Variants in PCDH15 observed in about 807,000 individuals in gnomAD.
PCDH15 encodes protocadherin-15.
Under a neutral mutation model 178.5 loss-of-function variants are expected in PCDH15, and 129 were observed. That is an observed-to-expected ratio of 0.72 (90% CI 0.63 to 0.84). The LOEUF is 0.84. PCDH15 is among the 40% of genes least tolerant of loss of function. PCDH15 has a pLI of 0.00. For synonymous variants in PCDH15, 800 were observed against 732.0 expected, an observed-to-expected ratio of 1.09 and a Z score of -1.50; for missense variants, 2,230 against 2,099.9, an observed-to-expected ratio of 1.06 and a Z score of -1.21.
At chr10:54,170,073 C>G (rs1243908672) in intron 13 of PCDH15, among the ~76,000 whole-genome samples, 1 of 139,116 alleles carries the variant, frequency 7.2e-6, no homozygotes, top group East Asian at 2.0e-4. Flanking sequence ...TTGGACTGAC[C>G]CTGACACCCA....
At chr10:55,450,182 G>A (rs1839402876) in intron 2 of PCDH15, among the ~76,000 whole-genome samples, 1 of 152,272 alleles carries the variant, frequency 6.6e-6, no homozygotes, top group Non-Finnish European at 1.5e-5. Flanking sequence ...TGCCAGAAGA[G>A]GAATGAAACC....
chr10:53,875,224 C>T (rs1465880397), intron 26 of PCDH15, among the ~76,000 whole-genome samples: 8 of 152,158 alleles, frequency 5.3e-5, no homozygotes, highest in South Asian at 4.1e-4. Flanking sequence ...AAGTAACTCA[C>T]ACCTAGAACC....
chr10:54,895,678 A>G lies in PCDH15; in HGVS notation c.-29+1772T>C, dbSNP rs188068422. Reference sequence around the variant, plus strand: ...AACATTGTTTTGTTTAATTTGGGATATTTTTATTGCAATTTGTCTTTCTGT... The same window carrying G: ...AACATTGTTTTGTTTAATTTGGGATGTTTTTATTGCAATTTGTCTTTCTGT... On this transcript the variant is annotated intron_variant, in intron 3 of 5. Transcript: ENST00000458638. Among the ~76,000 whole-genome samples, 262 of 152,222 alleles carry G rather than the reference A, an allele frequency of 1.7e-3. 1 individual carries two copies. The highest frequency in any genetic ancestry group is 3.3e-3 in the Non-Finnish European group (226 of 68,008).
In PCDH15 at chr10:54,548,100, C is replaced by CAA. The variant is rs374163458; in HGVS notation, c.92-20225_92-20224dup. 2.4e-3 allele frequency among the ~76,000 whole-genome samples: 197 copies of CAA among 83,434 alleles called. 1 individual carries two copies. Among genetic ancestry groups the CAA allele is most frequent in the African/African-American group, 7.4e-3 (158 of 21,312 alleles). The allele number at this position is 83,434 out of a possible 152,430, so 54.7% of individuals were successfully genotyped here. A position where few individuals can be genotyped will look rare whatever the true frequency, so the allele number is the denominator to read the frequency against. The stretch of plus-strand genomic sequence containing the variant: ...TGGGCGACAGAGCGAGACTCTGTCT[C>CAA]AAAAAAAAAAAACCAAAAAAACCAA... On this transcript the variant is annotated intron_variant, in intron 2 of 37. Coordinates refer to ENST00000644397, the MANE Select transcript of PCDH15 (RefSeq NM_001384140.1).
chr10:54,962,330 G>A (rs550114327), intron 2 of PCDH15, among the ~76,000 whole-genome samples: 1 of 152,314 alleles, frequency 6.6e-6, no homozygotes, highest in East Asian at 1.9e-4. Context: ...TGGTGGGACT[G>A]GACCAGCCCA....
chr10:55,542,630 C>T (rs1488054840), intron 2 of PCDH15, among the ~76,000 whole-genome samples: 2 of 140,414 alleles, frequency 1.4e-5, no homozygotes, highest in East Asian at 4.4e-4. Context: ...TATATAGGTA[C>T]ATACAGACAT....
chr10:54,028,677 C>A, intron 18 of PCDH15, among the ~76,000 whole-genome samples: 1 of 148,664 alleles, frequency 6.7e-6, no homozygotes, highest in Admixed American at 6.7e-5. Context: ...TCTCAGTAAA[C>A]TATCGCAAGA....
At chr10:55,520,299 GTATATATATATATATACATGCAATGTGTA>G (rs34438059) in intron 2 of PCDH15, among the ~76,000 whole-genome samples, 22,204 of 71,338 alleles carry the variant, frequency 0.31, 5,467 homozygotes, top group East Asian at 0.54. Flanking sequence ...CACGCAATAT[GTATATATATATATATACATGCAATGTGTA>G]TATATATATA....
At chr10:55,238,333 G>T (rs1039871610) in intron 1 of PCDH15, among the ~76,000 whole-genome samples, 1 of 151,772 alleles carries the variant, frequency 6.6e-6, no homozygotes, top group Admixed American at 6.6e-5. Context: ...TGTATTTTTA[G>T]TAGAGACGGG....
chr10:53,821,667 G>C, intron 32 of PCDH15: 1 of 1,356,482 alleles, frequency 7.4e-7, no homozygotes, highest in African/African-American at 1.5e-5. Context: ...AAAAAGTAAG[G>C]TAAATCTATT....
At chr10:54,358,231 C>T (rs952381711) in intron 5 of PCDH15, among the ~76,000 whole-genome samples, 15 of 150,918 alleles carry the variant, frequency 9.9e-5, no homozygotes, top group Non-Finnish European at 1.5e-5. Flanking sequence ...AACAGGCAAC[C>T]TACAAAATGG....
intron 2 of PCDH15, among the ~76,000 whole-genome samples, chr10:55,592,574 T>A (rs141853630): frequency 7.6e-4 from 115 of 152,270 alleles, no homozygotes; most frequent in African/African-American, 2.6e-3. Flanking sequence ...CTTGTGTGGC[T>A]TCCCTGTGGG....
chr10:55,100,013 A>G (rs1219091241), intron 2 of PCDH15, among the ~76,000 whole-genome samples: 1 of 152,166 alleles, frequency 6.6e-6, no homozygotes, highest in East Asian at 1.9e-4. Context: ...GTCTTACAAG[A>G]GGTAAAGAAC....
chr10:54,366,313 T>A (rs560421809), intron 5 of PCDH15, among the ~76,000 whole-genome samples: 17 of 152,172 alleles, frequency 1.1e-4, no homozygotes, highest in Middle Eastern at 3.4e-3. Flanking sequence ...CTGTGAACGA[T>A]TTTTTTGGAA....
At chr10:54,444,317 T>A (rs1293317416) in intron 3 of PCDH15, among the ~76,000 whole-genome samples, 2 of 151,680 alleles carry the variant, frequency 1.3e-5, no homozygotes, top group Non-Finnish European at 3.0e-5. Flanking sequence ...ATCATTCACA[T>A]AGACTATAGT....
chr10:54,846,026 T>C (rs1360189113), intron 3 of PCDH15, among the ~76,000 whole-genome samples: 1 of 152,134 alleles, frequency 6.6e-6, no homozygotes, highest in Non-Finnish European at 1.5e-5. Flanking sequence ...TTAATATGGT[T>C]TTATATTCTT....
chr10:54,849,252 C>A (rs759187439), intron 3 of PCDH15, among the ~76,000 whole-genome samples: 2 of 152,104 alleles, frequency 1.3e-5, no homozygotes, highest in Non-Finnish European at 2.9e-5. Flanking sequence ...GCTGTTAAAT[C>A]CTCACAAAAC....
chr10:54,038,737 G>T lies in PCDH15; in HGVS notation c.2221-15540C>A, dbSNP rs192101369. On this transcript the variant is annotated intron_variant, in intron 18 of 37. Coordinates refer to ENST00000644397, the MANE Select transcript of PCDH15 (RefSeq NM_001384140.1). ...GACATTCAGCTCTACCTTCAAGGGA[G>T]ATCTGCTTGGCACACAGTCTTCATA... Among the ~76,000 whole-genome samples the T allele has an allele frequency of 1.9e-3, 291 of 152,056 alleles. 2 individuals are homozygous for T. Among genetic ancestry groups the T allele is most frequent in the Non-Finnish European group, 3.5e-3 (236 of 67,948 alleles).
At chr10:55,324,611 TA>T (rs1843984258), upstream of PCDH15, among the ~76,000 whole-genome samples, 1 of 152,086 alleles carries the variant, frequency 6.6e-6, no homozygotes, top group Non-Finnish European at 1.5e-5. Context: ...GAGACTTAGA[TA>T]ACCAAACAAT....
Sources: allele counts gnomAD v4.1 joint callset (sites outside exome capture counted in the v4.1 genomes callset), GRCh38; gene constraint gnomAD v4.1.1; transcripts MANE v1.5; gene names NCBI Gene and HGNC (gene_info 2026-07-23, HGNC 2026-07-21).